Variants in CLSTN1 observed in about 807,000 individuals in gnomAD.
The protein encoded by CLSTN1 is calsyntenin-1.
CLSTN1 carries 28 observed loss-of-function variants against 108.3 expected under a neutral mutation model. That is an observed-to-expected ratio of 0.26 (90% CI 0.19 to 0.35). The LOEUF is 0.35. Among genes scored for constraint, CLSTN1 ranks in the 10% least tolerant of loss-of-function variants. The pLI, the probability that CLSTN1 is intolerant of heterozygous loss-of-function variation, is 1.00. For synonymous variants in CLSTN1, 524 were observed against 534.9 expected, an observed-to-expected ratio of 0.98 and a Z score of 0.28; for missense variants, 1,157 against 1,302.6, an observed-to-expected ratio of 0.89 and a Z score of 1.72.
chr1:9,735,795 C>A, intron 12 of CLSTN1, 90 bp downstream of exon 12: 1 of 1,535,956 alleles, frequency 6.5e-7, no homozygotes. Flanking sequence ...ACGTATCAAT[C>A]ACAGATTACT....
intron 1 of CLSTN1, among the ~76,000 whole-genome samples, chr1:9,813,777 T>C (rs577126878): frequency 7.2e-5 from 11 of 152,154 alleles, no homozygotes; most frequent in Non-Finnish European, 1.6e-4. Flanking sequence ...CATTCAACTA[T>C]TTTGAAGTGG....
chr1:9,730,336 G>C lies in CLSTN1; in HGVS notation c.*172C>G, dbSNP rs1332129330. ...ACTGAAGAGCGCGACCAGGCAGAGG[G>C]TGGGCGGGGAGCCTAGGGTCCTACA... On this transcript the variant is annotated 3_prime_UTR_variant, in exon 19 of 19. Coordinates refer to ENST00000377298, the MANE Select transcript of CLSTN1 (RefSeq NM_001009566.3). This position sits in a 1 kb window ranked among gnomAD's most constrained non-coding sequence, Gnocchi z 5.6. 3 of 679,652 alleles carry C rather than the reference G, an allele frequency of 4.4e-6. No individual in the cohort carries two copies. Among genetic ancestry groups the C allele is most frequent in the Middle Eastern group, 4.2e-4 (1 of 2,404 alleles). The allele number at this position is 679,652 out of a possible 1,614,324, so 42.1% of individuals were successfully genotyped here.
intron 1 of CLSTN1, among the ~76,000 whole-genome samples, chr1:9,805,866 CAAA>C (rs56899514): frequency 5.3e-5 from 4 of 74,860 alleles, no homozygotes; most frequent in South Asian, 4.0e-4. Flanking sequence ...GACTCTGTCT[CAAA>C]AAAAAAAAAA....
At position 9,744,453 on chromosome 1, in the gene CLSTN1, C is replaced by T. The variant is rs1651145841; in HGVS notation, c.1176G>A (p.Met392Ile). 1.2e-6 allele frequency: 2 copies of T among 1,610,850 alleles called. No homozygotes were observed. Among genetic ancestry groups the T allele is most frequent in the African/African-American group, 1.3e-5 (1 of 75,016 alleles). The change falls in exon 8 of 19, where the codon ATG becomes ATA. Residue 392 changes from methionine to isoleucine, a missense_variant. By Grantham distance (10) the Met-to-Ile change is conservative. Transcript: ENST00000377298. ...PKEPFTISVW[M>I]RHGPFGRKKE... ...TCTTCCTGCCGAATGGCCCATGTCT[C>T]ATCCACACCGAGATGGTGAACGGCT...
Position 9,749,582 on chromosome 1 carries a change from G to A in CLSTN1, c.864C>T (p.His288=). 6.2e-7 allele frequency: 1 copy of A among 1,614,212 alleles called. No homozygotes were observed. The highest frequency in any genetic ancestry group is 8.5e-7 in the Non-Finnish European group (1 of 1,180,042). ...TGALAVFPNI[H]LETCDEPVAS... ...CGACTGGCTCGTCACATGTCTCCAG[G>A]TGGATATTTGGAAAGACGGCCAACG... The change falls in exon 7 of 19, where the codon CAC becomes CAT. Residue 288 remains histidine, a synonymous_variant. Coordinates refer to ENST00000377298, the MANE Select transcript of CLSTN1 (RefSeq NM_001009566.3).
At chr1:9,798,995 C>T (rs892659964) in intron 1 of CLSTN1, among the ~76,000 whole-genome samples, 3 of 151,908 alleles carry the variant, frequency 2.0e-5, no homozygotes, top group Admixed American at 1.3e-4. Flanking sequence ...ATTCTGGCAA[C>T]AAAGTGAGAC....
At chr1:9,745,138 G>C (rs1651189862) in intron 7 of CLSTN1, among the ~76,000 whole-genome samples, 1 of 151,554 alleles carries the variant, frequency 6.6e-6, no homozygotes. Flanking sequence ...GAAGGGAAAG[G>C]GCCAGGCGTG....
At chr1:9,805,998 A>T (rs1173312384) in intron 1 of CLSTN1, among the ~76,000 whole-genome samples, 3 of 152,270 alleles carry the variant, frequency 2.0e-5, no homozygotes, top group African/African-American at 4.8e-5. Context: ...CATAGATAAA[A>T]CCCACATATG....
chr1:9,733,575 C>T (rs779627963), intron 15 of CLSTN1, 29 bp from the exon 16 acceptor site: 90 of 1,612,490 alleles, frequency 5.6e-5, no homozygotes, highest in Admixed American at 2.7e-4. Flanking sequence ...GGAAGATTGC[C>T]GGGTGGCTTA....
In CLSTN1 at chr1:9,734,264, GAAGC is replaced by G. The variant is rs1169422608; in HGVS notation, c.2111-126_2111-123del. 2.3e-5 allele frequency: 22 copies of G among 942,658 alleles called. No homozygotes were observed. The highest frequency in any genetic ancestry group is 3.4e-5 in the Non-Finnish European group (21 of 626,098). 58.4% of individuals were successfully genotyped at this position (942,658 alleles called of 1,614,324 possible). On this transcript the variant is annotated intron_variant, in intron 14 of 18. Transcript: ENST00000377298. The surrounding 1 kb of genome is among the most constrained non-coding windows in gnomAD (Gnocchi z 4.8). ...ATGGCTCTCGTAAGGACCAACGACA[GAAGC>G]AAGCGAGAGTTGCTTTCAAGAAACG...
At position 9,734,616 on chromosome 1, in the gene CLSTN1, A is replaced by G. The variant is rs1190915261; in HGVS notation, c.2110+332T>C. 2.7e-5 allele frequency among the ~76,000 whole-genome samples: 4 copies of G among 150,906 alleles called. No individual in the cohort carries two copies. Among genetic ancestry groups the G allele is most frequent in the Non-Finnish European group, 5.9e-5 (4 of 67,868 alleles). ...GGGGGGAGTTTCATGTGTCCTGAGCAAGAATTGTGGGGACATTGTGCCTCC... is the reference window on the plus strand; with the variant it reads ...GGGGGGAGTTTCATGTGTCCTGAGCGAGAATTGTGGGGACATTGTGCCTCC... On this transcript the variant is annotated intron_variant, in intron 14 of 18. Transcript: ENST00000377298. This position sits in a 1 kb window ranked among gnomAD's most constrained non-coding sequence, Gnocchi z 4.8.
intron 1 of CLSTN1, among the ~76,000 whole-genome samples, chr1:9,786,670 A>AC (rs1653507887): frequency 6.7e-6 from 1 of 150,040 alleles, no homozygotes; most frequent in Non-Finnish European, 1.5e-5. Context: ...AAAAAAAAAA[A>AC]AAACAAAGGT....
intron 2 of CLSTN1, among the ~76,000 whole-genome samples, chr1:9,768,013 G>A (rs1652432302): frequency 6.6e-6 from 1 of 152,176 alleles, no homozygotes; most frequent in Non-Finnish European, 1.5e-5. Flanking sequence ...AATGAGGTCT[G>A]TGACATCTTA....
chr1:9,770,454 C>A (rs1406287616), intron 2 of CLSTN1, among the ~76,000 whole-genome samples: 1 of 152,204 alleles, frequency 6.6e-6, no homozygotes, highest in Non-Finnish European at 1.5e-5. Context: ...GAACTTCGTG[C>A]AGTTAAAGAT....
intron 1 of CLSTN1, among the ~76,000 whole-genome samples, chr1:9,786,665 A>AAAC (rs1553181003): frequency 1.3e-5 from 2 of 150,006 alleles, no homozygotes; most frequent in African/African-American, 2.4e-5. Flanking sequence ...AAAAAAAAAA[A>AAAC]AAAAAAAACA....
chr1:9,760,079 T>C (rs1207805565), intron 2 of CLSTN1, among the ~76,000 whole-genome samples: 1 of 152,180 alleles, frequency 6.6e-6, no homozygotes, highest in Non-Finnish European at 1.5e-5. Flanking sequence ...TGTTGGTTGG[T>C]TGTTTTAGAG....
intron 1 of CLSTN1, among the ~76,000 whole-genome samples, chr1:9,816,940 C>G (rs1654997466): frequency 6.6e-6 from 1 of 152,222 alleles, no homozygotes; most frequent in Admixed American, 6.5e-5. Flanking sequence ...AGCCACCGCA[C>G]CCAGCCGGTG....
chr1:9,731,520 G>A, intron 17 of CLSTN1, 130 bp from the exon 18 acceptor site: 2 of 1,068,242 alleles, frequency 1.9e-6, no homozygotes, highest in Admixed American at 4.6e-5. Flanking sequence ...CAGGCCAGGA[G>A]GAAATACCAG....
At chr1:9,736,273 C>T (rs11591019) in intron 11 of CLSTN1, among the ~76,000 whole-genome samples, 2 of 152,188 alleles carry the variant, frequency 1.3e-5, no homozygotes. Context: ...GGTGTCTCAC[C>T]TGAAGCCAAG....
Sources: gnomAD v4.1 joint callset for allele counts (sites outside exome capture counted in the v4.1 genomes callset) on GRCh38, gnomAD v4.1.1 for gene constraint, Gnocchi (gnomAD v3.1) non-coding constraint, MANE v1.5 for transcripts, NCBI Gene and HGNC (gene_info 2026-07-23, HGNC 2026-07-21) for gene names.